The following CASZ1 variants were observed in gnomAD, a reference collection of about 807,000 sequenced individuals.
The protein encoded by CASZ1 is castor zinc finger 1.
A neutral mutation model predicts 135.2 loss-of-function variants in CASZ1; 28 were observed. That is an observed-to-expected ratio of 0.21 (90% CI 0.15 to 0.28). The LOEUF (loss-of-function observed/expected upper bound fraction) is 0.28. Ranked by LOEUF, CASZ1 falls within the 10% of genes least tolerant of loss-of-function variation. The pLI, the probability that CASZ1 is intolerant of heterozygous loss-of-function variation, is 1.00. For missense variants in CASZ1, 2,161 were observed against 2,453.3 expected (o/e 0.88, Z 2.52); for synonymous variants, 1,068 against 1,073.4 (o/e 0.99, Z 0.10).
intron 4 of CASZ1, among the ~76,000 whole-genome samples, chr1:10,687,582 T>G (rs1343095547): frequency 1.3e-5 from 2 of 152,190 alleles, no homozygotes; most frequent in Non-Finnish European, 2.9e-5. Context: ...TGCCCTGGGT[T>G]TGTCTAGCTG....
intron 2 of CASZ1, among the ~76,000 whole-genome samples, chr1:10,743,896 CG>C (rs1241013669): frequency 1.2e-5 from 1 of 86,114 alleles, no homozygotes; most frequent in Non-Finnish European, 2.3e-5. Context: ...GAGCATGGGG[CG>C]GCGGGGGGAG....
intron 4 of CASZ1, among the ~76,000 whole-genome samples, chr1:10,690,369 T>A (rs550759468): frequency 6.6e-6 from 1 of 152,098 alleles, no homozygotes; most frequent in Non-Finnish European, 1.5e-5. Context: ...AGCTCTTTGC[T>A]CTCTCAGCTT....
chr1:10,754,663 C>T (rs1327327167), intron 2 of CASZ1, among the ~76,000 whole-genome samples: 1 of 152,194 alleles, frequency 6.6e-6, no homozygotes, highest in Admixed American at 6.5e-5. Context: ...ATCTCTGTGT[C>T]ACCAGACCTC....
intron 4 of CASZ1, among the ~76,000 whole-genome samples, chr1:10,689,454 G>A (rs568604992): frequency 8.5e-5 from 13 of 152,356 alleles, no homozygotes; most frequent in African/African-American, 1.2e-4. Flanking sequence ...CAGTAGAGAG[G>A]TCTGAGTAAC....
In CASZ1 at chr1:10,755,116, C is replaced by T. The variant is rs1398517672; in HGVS notation, c.-77+5585G>A. Among the ~76,000 whole-genome samples, 2 of 152,174 alleles carry T rather than the reference C, an allele frequency of 1.3e-5. No homozygotes were observed. The highest frequency in any genetic ancestry group is 2.9e-5 in the Non-Finnish European group (2 of 68,014). ...GGCCTGAAGGGCAGAGAGCAAGCGG[C>T]AGTGGTGTGGGTGGGAACGTGGCAG... On this transcript the variant is annotated intron_variant, in intron 2 of 20. Transcript: ENST00000377022. The surrounding 1 kb of genome is among the most constrained non-coding windows in gnomAD (Gnocchi z 4.3).
intron 1 of CASZ1, among the ~76,000 whole-genome samples, chr1:10,782,012 G>C (rs1364964944): frequency 6.6e-6 from 1 of 152,208 alleles, no homozygotes; most frequent in Non-Finnish European, 1.5e-5. Flanking sequence ...GGCCTCCCTG[G>C]CCACTGGGGG....
chr1:10,772,213 T>G (rs1048645014), intron 1 of CASZ1, among the ~76,000 whole-genome samples: 1 of 151,998 alleles, frequency 6.6e-6, no homozygotes, highest in Non-Finnish European at 1.5e-5. Context: ...AGTCTGGAGC[T>G]AGGGAGAGAG....
chr1:10,714,350 G>A (rs566560401), intron 2 of CASZ1, among the ~76,000 whole-genome samples: 55 of 151,630 alleles, frequency 3.6e-4, no homozygotes, highest in Non-Finnish European at 7.3e-4. Flanking sequence ...GGAAAGAAAG[G>A]AAAGAAAGAA....
chr1:10,714,954 G>C (rs1002124952), intron 2 of CASZ1, among the ~76,000 whole-genome samples: 3 of 152,008 alleles, frequency 2.0e-5, no homozygotes, highest in African/African-American at 7.3e-5. Context: ...ATCCAAAGCC[G>C]AGGAATTCCT....
At chr1:10,736,442 C>T (rs530213506) in intron 2 of CASZ1, among the ~76,000 whole-genome samples, 15 of 152,312 alleles carry the variant, frequency 9.8e-5, no homozygotes, top group Admixed American at 5.2e-4. Context: ...GTTCTGATCC[C>T]GTGAGTCTGG....
At chr1:10,668,574 C>A (rs1488315250) in intron 4 of CASZ1, among the ~76,000 whole-genome samples, 1 of 152,242 alleles carries the variant, frequency 6.6e-6, no homozygotes, top group African/African-American at 2.4e-5. Flanking sequence ...GGCCTGGGAC[C>A]CACACACAGT....
Position 10,642,850 on chromosome 1 carries a change from G to A in CASZ1, c.4162+9C>T, listed in dbSNP as rs2124667995. 2 of 1,611,224 alleles carry A rather than the reference G, an allele frequency of 1.2e-6. No homozygotes were observed. The highest frequency in any genetic ancestry group is 2.2e-5 in the East Asian group (1 of 44,844). ...CTGGCCCTGCCAGCAGCCCCTGCCT[G>A]CCGCTCACCTGCCGCGGTGCTCTCG... is the stretch of plus-strand genomic sequence containing the variant. On this transcript the variant is annotated intron_variant, in intron 20 of 20. Transcript: ENST00000377022.
chr1:10,696,219 C>T (rs528673145), intron 3 of CASZ1, among the ~76,000 whole-genome samples: 1 of 152,234 alleles, frequency 6.6e-6, no homozygotes, highest in East Asian at 1.9e-4. Context: ...GTTGGGCATC[C>T]CTCCCCTACT....
chr1:10,733,920 C>G (rs1159675557), intron 2 of CASZ1, among the ~76,000 whole-genome samples: 1 of 152,204 alleles, frequency 6.6e-6, no homozygotes, highest in Non-Finnish European at 1.5e-5. Flanking sequence ...AAGGGCGTGG[C>G]ACAGCACTTG....
chr1:10,653,958 G>A lies in CASZ1; in HGVS notation c.2099C>T (p.Ser700Leu), dbSNP rs761954486. The A allele has an allele frequency of 1.6e-5, 26 of 1,613,640 alleles. No homozygotes were observed. The highest frequency in any genetic ancestry group is 6.7e-5 in the African/African-American group (5 of 74,948). The change falls in exon 11 of 21, where the codon TCG becomes TTG. Residue 700 changes from serine to leucine, a missense_variant. This residue lies in a region of CASZ1 where 248 missense variants were observed against 410.8 expected (regional missense o/e 0.60). Transcript: ENST00000377022. Reference protein sequence around the residue: ...RKHERRHIRSSGALGLPPSLL... With the variant: ...RKHERRHIRSLGALGLPPSLL... ...CGAGGGCGGCAGCCCCAGCGCGCCC[G>A]AGGAGCGGATGTGCCGGCGCTCATG...
intron 1 of CASZ1, among the ~76,000 whole-genome samples, chr1:10,764,076 T>A (rs1229546783): frequency 6.6e-6 from 1 of 152,236 alleles, no homozygotes; most frequent in Non-Finnish European, 1.5e-5. Flanking sequence ...TTAGCCAGAC[T>A]GGTCTCGAAC....
At position 10,739,452 on chromosome 1, in the gene CASZ1, C is replaced by T. The variant is rs539965573; in HGVS notation, c.-77+21249G>A. Among the ~76,000 whole-genome samples the T allele has an allele frequency of 1.3e-5, 2 of 152,090 alleles. No individual in the cohort carries two copies. The highest frequency in any genetic ancestry group is 6.5e-5 in the Admixed American group (1 of 15,278). On this transcript the variant is annotated intron_variant, in intron 2 of 20. Coordinates refer to ENST00000377022, the MANE Select transcript of CASZ1 (RefSeq NM_001079843.3). This position sits in a 1 kb window ranked among gnomAD's most constrained non-coding sequence, Gnocchi z 4.8. Reference sequence around the variant, plus strand: ...AGCATGTGTGTGGCCCACACAAGGGCGGTCTGCTCTCACTCCCCTCGCTGC... The same window carrying T: ...AGCATGTGTGTGGCCCACACAAGGGTGGTCTGCTCTCACTCCCCTCGCTGC...
At chr1:10,795,222 G>A (rs769099955) in intron 1 of CASZ1, among the ~76,000 whole-genome samples, 52 of 150,574 alleles carry the variant, frequency 3.5e-4, no homozygotes, top group Non-Finnish European at 6.5e-4. Context: ...GCGCCCCCTG[G>A]ATCCCCGCTC....
chr1:10,787,061 A>G (rs914820098), intron 1 of CASZ1, among the ~76,000 whole-genome samples: 2 of 152,220 alleles, frequency 1.3e-5, no homozygotes, highest in Middle Eastern at 3.2e-3. Flanking sequence ...ATTCTTCGTT[A>G]CGTTTAATTA....
Sources: allele counts gnomAD v4.1 joint callset (sites outside exome capture counted in the v4.1 genomes callset), GRCh38; gene constraint gnomAD v4.1.1; regional missense constraint gnomAD v4.1.1; non-coding constraint Gnocchi (gnomAD v3.1); transcripts MANE v1.5; gene names NCBI Gene and HGNC (gene_info 2026-07-23, HGNC 2026-07-21).